CLNK: variants seen among roughly 807,000 people sequenced by gnomAD.
CLNK encodes the protein cytokine-dependent hematopoietic cell linker.
In CLNK, 74 loss-of-function variants were observed where a neutral mutation model predicts 68.6. That is an observed-to-expected ratio of 1.08 (90% CI 0.89 to 1.31). The LOEUF is 1.31. CLNK is among the 50% of genes most tolerant of loss of function. The pLI is 0.00. For missense variants in CLNK, 553 were observed against 515.3 expected, an observed-to-expected ratio of 1.07 and a Z score of -0.71; for synonymous variants, 198 against 172.2, an observed-to-expected ratio of 1.15 and a Z score of -1.17.
At chr4:10,584,153 A>G (rs1334722528) in intron 4 of CLNK, among the ~76,000 whole-genome samples, 3 of 152,112 alleles carry the variant, frequency 2.0e-5, no homozygotes, top group African/African-American at 7.2e-5. Flanking sequence ...GTGAACTCGT[A>G]TTTCCCACTT....
chr4:10,733,376 C>T, the CLNK span, among the ~76,000 whole-genome samples: 2 of 152,300 alleles, frequency 1.3e-5, no homozygotes, highest in South Asian at 4.2e-4. Context: ...AGTCCTGGGC[C>T]AGGTGAGTCT....
rs1265653324 is a variant in CLNK, at chr4:10,488,553, C to T, written c.*1914G>A. ...AGTGAGTTCTTTCGTATCCAAGCTC[C>T]AATTTAAACACTCTTGTCTCTTGGT... is the stretch of plus-strand genomic sequence containing the variant. On this transcript the variant is annotated 3_prime_UTR_variant, in exon 19 of 19. Coordinates refer to ENST00000226951, the MANE Select transcript of CLNK (RefSeq NM_052964.4). 7.2e-5 allele frequency: 11 copies of T among 152,240 alleles called. No individual in the cohort carries two copies. Among genetic ancestry groups the T allele is most frequent in the Admixed American group, 7.2e-4 (11 of 15,286 alleles). The allele number at this position is 152,240 out of a possible 1,614,324, so 9.4% of individuals were successfully genotyped here. A position where few individuals can be genotyped will look rare whatever the true frequency, so the allele number is the denominator to read the frequency against.
intron 3 of CLNK, among the ~76,000 whole-genome samples, chr4:10,589,468 C>T (rs537096915): frequency 7.2e-5 from 11 of 152,154 alleles, no homozygotes; most frequent in Admixed American, 1.3e-4. Flanking sequence ...TCACATCCTC[C>T]GGGATTATGC....
intron 1 of CLNK, among the ~76,000 whole-genome samples, chr4:10,680,023 A>C (rs1725032370): frequency 6.6e-6 from 1 of 152,126 alleles, no homozygotes; most frequent in South Asian, 2.1e-4. Flanking sequence ...CTGGATATAT[A>C]CCCAAAGGAT....
chr4:10,560,548 A>C (rs967708598), intron 7 of CLNK, among the ~76,000 whole-genome samples: 3 of 152,084 alleles, frequency 2.0e-5, no homozygotes, highest in African/African-American at 7.2e-5. Context: ...GGCTCAAGCG[A>C]TCCTCCCACT....
At chr4:10,613,023 C>A (rs960023875) in intron 2 of CLNK, among the ~76,000 whole-genome samples, 1 of 152,008 alleles carries the variant, frequency 6.6e-6, no homozygotes, top group African/African-American at 2.4e-5. Context: ...TTTCTTAGTG[C>A]TCAATGTGGG....
At chr4:10,565,971 A>G (rs1288938944) in intron 6 of CLNK, 38 bp downstream of exon 6, 3 of 1,603,064 alleles carry the variant, frequency 1.9e-6, no homozygotes, top group East Asian at 2.2e-5. Context: ...TGGCATGTAC[A>G]TGCATCTTCT....
chr4:10,514,611 T>TAAAG lies in CLNK; in HGVS notation c.773-1018_773-1015dup, dbSNP rs572881587. Among the ~76,000 whole-genome samples the TAAAG allele has an allele frequency of 6.2e-3, 937 of 150,656 alleles. 7 individuals carry two copies. The highest frequency in any genetic ancestry group is 0.022 in the African/African-American group (889 of 40,812). ...ATACAAAAATCAATTCAAGATGGAT[T>TAAAG]AAAGATTTAAACGTTAGACCAAAAA... On this transcript the variant is annotated intron_variant, in intron 15 of 18. Transcript: ENST00000226951.
intron 16 of CLNK, among the ~76,000 whole-genome samples, chr4:10,512,016 G>T (rs555689080): frequency 1.3e-5 from 2 of 152,256 alleles, no homozygotes; most frequent in African/African-American, 2.4e-5. Context: ...ACATAGATAT[G>T]CCACAAATCA....
At chr4:10,577,132 T>C (rs1424126446) in intron 4 of CLNK, among the ~76,000 whole-genome samples, 1 of 152,202 alleles carries the variant, frequency 6.6e-6, no homozygotes, top group East Asian at 1.9e-4. Flanking sequence ...TAGCACTCTC[T>C]ATTTCCCTAG....
At chr4:10,575,628 G>A (rs2302170) in intron 4 of CLNK, among the ~76,000 whole-genome samples, 33,442 of 152,240 alleles carry the variant, frequency 0.22, 3,907 homozygotes, top group African/African-American at 0.28. Context: ...TGGGCATGGC[G>A]TGGATCTCCC....
chr4:10,575,377 C>T (rs1051228945), intron 4 of CLNK, among the ~76,000 whole-genome samples: 64 of 152,350 alleles, frequency 4.2e-4, no homozygotes, highest in South Asian at 2.1e-4. Context: ...TCTGCCCATG[C>T]CTGGATCTTT....
chr4:10,697,503 G>T, the CLNK span: 19,853 of 152,132 alleles, frequency 0.13, 1,355 homozygotes, highest in Admixed American at 0.16. Context: ...CTTGCAAGTA[G>T]AAGTGCAATG....
Position 10,520,485 on chromosome 4 carries a change from A to C in CLNK, c.772+306T>G, listed in dbSNP as rs543707150. Among the ~76,000 whole-genome samples the C allele has an allele frequency of 6.1e-4, 93 of 152,354 alleles. 1 individual carries two copies. In the South Asian group the frequency reaches 9.7e-3, roughly 16 times the overall value. ...ATCTAGGGCAGTTGAAGAGATGTGCATATCCTAAGACAGAGCAATTTCAGT... is the reference window on the plus strand; with the variant it reads ...ATCTAGGGCAGTTGAAGAGATGTGCCTATCCTAAGACAGAGCAATTTCAGT... On this transcript the variant is annotated intron_variant, in intron 15 of 18. Coordinates refer to ENST00000226951, the MANE Select transcript of CLNK (RefSeq NM_052964.4).
rs1159348854 is a variant in CLNK, at chr4:10,554,763, T to C, written c.445+3644A>G. ...TGTTTTTTCTGCAAAGGATAGAAGA[T>C]AACCAATCTCATCATTATTGCAAAG... On this transcript the variant is annotated intron_variant, in intron 8 of 18. Coordinates refer to ENST00000226951, the MANE Select transcript of CLNK (RefSeq NM_052964.4). Among the ~76,000 whole-genome samples, 8 of 152,358 alleles carry C rather than the reference T, an allele frequency of 5.3e-5. No homozygotes were observed. The East Asian group carries it at 1.3e-3, about 26-fold the overall frequency.
upstream of CLNK, among the ~76,000 whole-genome samples, chr4:10,689,543 C>A (rs1002147805): frequency 6.6e-6 from 1 of 152,052 alleles, no homozygotes; most frequent in Non-Finnish European, 1.5e-5. Context: ...TTCAGCTGGT[C>A]GTGACTGCCA....
At position 10,629,651 on chromosome 4, in the gene CLNK, TG is replaced by T. The variant is rs1407635244; in HGVS notation, c.12-31603del. ...ATTTACTCATGAAGAGACCACATGGTGAGGTCAGCCCCAAAACCAGGCCAAT... is the reference window on the plus strand; with the variant it reads ...ATTTACTCATGAAGAGACCACATGGTAGGTCAGCCCCAAAACCAGGCCAAT... On this transcript the variant is annotated intron_variant, in intron 2 of 18. Transcript: ENST00000226951. Among the ~76,000 whole-genome samples the T allele has an allele frequency of 2.6e-5, 4 of 152,054 alleles. No homozygotes were observed. The East Asian group carries it at 7.7e-4, about 29-fold the overall frequency.
intron 8 of CLNK, among the ~76,000 whole-genome samples, chr4:10,548,620 GA>G (rs1410021921): frequency 6.6e-6 from 1 of 152,108 alleles, no homozygotes; most frequent in Non-Finnish European, 1.5e-5. Flanking sequence ...TTTCTTCTAG[GA>G]GTTCTGTAGT....
intron 15 of CLNK, among the ~76,000 whole-genome samples, chr4:10,514,957 C>T (rs1717763961): frequency 1.3e-5 from 2 of 152,186 alleles, no homozygotes; most frequent in South Asian, 4.1e-4. Context: ...TAATTCTGGG[C>T]CGGGTGTGGT....
Sources: allele counts gnomAD v4.1 joint callset (sites outside exome capture counted in the v4.1 genomes callset), GRCh38; gene constraint gnomAD v4.1.1; transcripts MANE v1.5; gene names NCBI Gene and HGNC (gene_info 2026-07-23, HGNC 2026-07-21).